The following RAB3C variants were observed in gnomAD, a reference collection of about 807,000 sequenced individuals.
The protein encoded by RAB3C is ras-related protein Rab-3C.
Under a neutral mutation model 26.4 loss-of-function variants are expected in RAB3C, and 17 were observed. The ratio of observed to expected loss-of-function variants is 0.64; its 90% confidence interval spans 0.44 to 0.97. RAB3C has a LOEUF of 0.97. Among genes scored for constraint, RAB3C ranks in the 50% least tolerant of loss-of-function variants. The pLI, the probability that RAB3C is intolerant of heterozygous loss-of-function variation, is 0.00. For missense variants in RAB3C, 242 were observed against 281.9 expected, an observed-to-expected ratio of 0.86 and a Z score of 1.01; for synonymous variants, 91 against 95.9, an observed-to-expected ratio of 0.95 and a Z score of 0.30.
chr5:58,699,038 T>C (rs1748781468), intron 2 of RAB3C, among the ~76,000 whole-genome samples: 1 of 152,222 alleles, frequency 6.6e-6, no homozygotes, highest in Non-Finnish European at 1.5e-5. Flanking sequence ...GCTTTTCTGC[T>C]CTGGTTTTTC....
intron 3 of RAB3C, among the ~76,000 whole-genome samples, chr5:58,746,223 A>T (rs1266915511): frequency 6.6e-6 from 1 of 152,194 alleles, no homozygotes; most frequent in African/African-American, 2.4e-5. Context: ...AGCAAAGGAA[A>T]CTACCTCTCA....
At chr5:58,797,679 A>G (rs1742705962) in intron 3 of RAB3C, among the ~76,000 whole-genome samples, 1 of 152,066 alleles carries the variant, frequency 6.6e-6, no homozygotes, top group African/African-American at 2.4e-5. Flanking sequence ...GCAGAGGCAT[A>G]ACTGGAAAAC....
At chr5:58,712,698 T>C (rs1435222517) in intron 2 of RAB3C, among the ~76,000 whole-genome samples, 3 of 152,190 alleles carry the variant, frequency 2.0e-5, no homozygotes, top group African/African-American at 7.2e-5. Flanking sequence ...CTAATTTTTG[T>C]ATTTTTAGTA....
chr5:58,585,266 A>T (rs887330490), intron 1 of RAB3C, among the ~76,000 whole-genome samples: 25 of 152,074 alleles, frequency 1.6e-4, no homozygotes, highest in African/African-American at 5.8e-4. Context: ...AATAGATAGG[A>T]TAAAAACTAT....
At chr5:58,739,050 A>T (rs767758958) in intron 3 of RAB3C, among the ~76,000 whole-genome samples, 3 of 152,222 alleles carry the variant, frequency 2.0e-5, no homozygotes, top group Non-Finnish European at 4.4e-5. Context: ...ATTGCTTTAA[A>T]GCAAATATTG....
At chr5:58,605,845 C>T (rs145817109) in intron 1 of RAB3C, among the ~76,000 whole-genome samples, 6,220 of 152,172 alleles carry the variant, frequency 0.041, 419 homozygotes, top group African/African-American at 0.14. Flanking sequence ...GTAGAGGTTG[C>T]GGTGAGCCAA....
At chr5:58,736,977 C>G (rs115500221) in intron 3 of RAB3C, among the ~76,000 whole-genome samples, 1,794 of 152,168 alleles carry the variant, frequency 0.012, 35 homozygotes, top group African/African-American at 0.041. Context: ...TCTTGTCACC[C>G]CTCTGCTCCA....
intron 3 of RAB3C, among the ~76,000 whole-genome samples, chr5:58,788,696 C>T (rs1417204840): frequency 6.6e-6 from 1 of 152,162 alleles, no homozygotes; most frequent in Non-Finnish European, 1.5e-5. Flanking sequence ...GACATTTTCT[C>T]ACTTGTGTAT....
At position 58,781,465 on chromosome 5, in the gene RAB3C, T is replaced by C. The variant is rs535779537; in HGVS notation, c.372-43573T>C. 8.5e-5 allele frequency among the ~76,000 whole-genome samples: 13 copies of C among 152,210 alleles called. 1 individual carries two copies. The highest frequency in any genetic ancestry group is 2.6e-4 in the African/African-American group (11 of 41,538). On this transcript the variant is annotated intron_variant, in intron 3 of 4. Transcript: ENST00000282878. Reference sequence around the variant, plus strand: ...ACTATTTTCTTAGTTCTCCTAAGCATGGTTCCTAACTACAGTAGCACCATT... The same window carrying C: ...ACTATTTTCTTAGTTCTCCTAAGCACGGTTCCTAACTACAGTAGCACCATT...
chr5:58,643,135 A>G (rs1747445063), intron 2 of RAB3C, among the ~76,000 whole-genome samples: 1 of 152,250 alleles, frequency 6.6e-6, no homozygotes, highest in South Asian at 2.1e-4. Flanking sequence ...CCAATTACAT[A>G]TCATAAAGAA....
chr5:58,634,245 GT>G (rs1382818092), intron 2 of RAB3C, among the ~76,000 whole-genome samples: 1 of 152,086 alleles, frequency 6.6e-6, no homozygotes, highest in Non-Finnish European at 1.5e-5. Context: ...AGGAGTTCAG[GT>G]TGAGGGATAT....
chr5:58,627,297 A>G (rs1369611666), intron 2 of RAB3C, among the ~76,000 whole-genome samples: 2 of 152,016 alleles, frequency 1.3e-5, no homozygotes, highest in Non-Finnish European at 2.9e-5. Context: ...TTATTTTTCT[A>G]TTGATTCATT....
intron 3 of RAB3C, among the ~76,000 whole-genome samples, chr5:58,770,530 A>G (rs1157858510): frequency 6.6e-6 from 1 of 152,160 alleles, no homozygotes; most frequent in Non-Finnish European, 1.5e-5. Context: ...ATCTTGTTAT[A>G]GTTTGGTCTA....
At chr5:58,672,468 G>A (rs1016771777) in intron 2 of RAB3C, among the ~76,000 whole-genome samples, 8 of 152,160 alleles carry the variant, frequency 5.3e-5, no homozygotes, top group Admixed American at 5.2e-4. Context: ...ATGAGGAGAT[G>A]GGACTGGATG....
chr5:58,767,018 G>T (rs1045073487), intron 3 of RAB3C, among the ~76,000 whole-genome samples: 1 of 64,040 alleles, frequency 1.6e-5, no homozygotes, highest in African/African-American at 3.7e-5. Flanking sequence ...TATAGCCAGC[G>T]GGGGGGACTC....
chr5:58,666,312 G>A (rs159006), intron 2 of RAB3C, among the ~76,000 whole-genome samples: 2 of 151,978 alleles, frequency 1.3e-5, no homozygotes, highest in Non-Finnish European at 2.9e-5. Flanking sequence ...CCAAAAATAT[G>A]TAAAGTATTT....
At chr5:58,684,922 C>T (rs1748413639) in intron 2 of RAB3C, among the ~76,000 whole-genome samples, 1 of 152,138 alleles carries the variant, frequency 6.6e-6, no homozygotes, top group African/African-American at 2.4e-5. Flanking sequence ...CACTGGGAAA[C>T]ATTTGTTACA....
intron 2 of RAB3C, among the ~76,000 whole-genome samples, chr5:58,654,028 A>G (rs1747711862): frequency 6.6e-6 from 1 of 152,182 alleles, no homozygotes; most frequent in African/African-American, 2.4e-5. Flanking sequence ...ATATTTTCTG[A>G]CTTTCTGACT....
At chr5:58,672,912 G>T (rs1295716761) in intron 2 of RAB3C, among the ~76,000 whole-genome samples, 6 of 152,010 alleles carry the variant, frequency 3.9e-5, no homozygotes, top group Admixed American at 1.3e-4. Context: ...TATATATAAT[G>T]GTTGTCATTT....
Sources: allele counts gnomAD v4.1 joint callset (sites outside exome capture counted in the v4.1 genomes callset), GRCh38; gene constraint gnomAD v4.1.1; transcripts MANE v1.5; gene names NCBI Gene and HGNC (gene_info 2026-07-23, HGNC 2026-07-21).